Variants in FBXL2 observed in about 807,000 individuals in gnomAD.
FBXL2 encodes the protein F-box and leucine rich repeat protein 2.
In FBXL2, 38 loss-of-function variants were observed where a neutral mutation model predicts 69.2. That is an observed-to-expected ratio of 0.55 (90% CI 0.42 to 0.72). The LOEUF is 0.72. Among genes scored for constraint, FBXL2 ranks in the 30% least tolerant of loss-of-function variants. The pLI, the probability that FBXL2 is intolerant of heterozygous loss-of-function variation, is 0.00. For missense variants in FBXL2, 354 were observed against 520.3 expected (o/e 0.68, Z 3.11); for synonymous variants, 192 against 201.3 (o/e 0.95, Z 0.39).
chr3:33,409,478 A>C, the FBXL2 span: 1 of 1,614,174 alleles, frequency 6.2e-7, no homozygotes, highest in East Asian at 2.2e-5. Context: ...CAGCTAGCTG[A>C]GTGTAGATGA....
chr3:33,337,700 C>G (rs1450969124), intron 2 of FBXL2, among the ~76,000 whole-genome samples: 2 of 152,164 alleles, frequency 1.3e-5, no homozygotes, highest in Non-Finnish European at 2.9e-5. Flanking sequence ...TAATTTGATT[C>G]TATACCTAGA....
chr3:33,387,739 C>A lies in FBXL2; in HGVS notation c.*2131C>A, dbSNP rs1009208104. Reference sequence around the variant, plus strand: ...GGACTTGATGCTCAATGATCCATGGCCTCATTTACAAAACAGGAGAACCTC... The same window carrying A: ...GGACTTGATGCTCAATGATCCATGGACTCATTTACAAAACAGGAGAACCTC... On this transcript the variant is annotated 3_prime_UTR_variant, in exon 15 of 15. Transcript: ENST00000484457. 6.6e-6 allele frequency: 1 copy of A among 152,036 alleles called. No homozygotes were observed. The highest frequency in any genetic ancestry group is 6.6e-5 in the Admixed American group (1 of 15,264). 9.4% of individuals were successfully genotyped at this position (152,036 alleles called of 1,614,324 possible).
chr3:33,359,296 T>A lies in FBXL2; in HGVS notation c.134T>A (p.Leu45Ter). The change falls in exon 4 of 15, where the codon TTA (leucine) becomes TAA (stop). Residue 45 changes from leucine (L) to a stop codon, truncating the protein, a stop_gained. Coordinates refer to ENST00000484457, the MANE Select transcript of FBXL2 (RefSeq NM_012157.5). LOFTEE classifies it high-confidence loss of function. ...CCCACCTTCCAGGCTTGGAACATCT[T>A]AGCCCTGGATGGAAGCAACTGGCAA... ...CAQISKAWNILALDGSNWQRI... is the reference protein window; with the variant it reads ...CAQISKAWNI The A allele has an allele frequency of 6.2e-7, 1 of 1,612,270 alleles. No homozygotes were observed. Among genetic ancestry groups the A allele is most frequent in the Non-Finnish European group, 8.5e-7 (1 of 1,178,714 alleles).
chr3:33,396,879 C>A (rs1223305547), intron 12 of FBXL2: 1 of 717,454 alleles, frequency 1.4e-6, no homozygotes. Flanking sequence ...TGGGCCTGCC[C>A]TGAAGGTGTA....
chr3:33,296,932 G>A (rs557112016), intron 1 of FBXL2, among the ~76,000 whole-genome samples: 3 of 152,196 alleles, frequency 2.0e-5, no homozygotes, highest in Admixed American at 1.3e-4. Context: ...TGTAAAAAAG[G>A]CAGCTGTAAT....
intron 2 of FBXL2, among the ~76,000 whole-genome samples, chr3:33,306,187 G>T (rs2036699377): frequency 6.6e-6 from 1 of 151,858 alleles, no homozygotes; most frequent in Non-Finnish European, 1.5e-5. Context: ...GAACTGTAGT[G>T]TTTTTCTTAT....
chr3:33,373,465 G>T (rs2154048427), intron 7 of FBXL2, 110 bp downstream of exon 7: 1 of 1,543,006 alleles, frequency 6.5e-7, no homozygotes, highest in Non-Finnish European at 8.9e-7. Flanking sequence ...ACTCCAAGAG[G>T]TCCCAGGCAT....
chr3:33,397,171 G>A lies in FBXL2; in HGVS notation n.1215-6063G>A, dbSNP rs186346181. On this transcript the variant is annotated intron_variant and non_coding_transcript_variant, in intron 12 of 12. Coordinates refer to the FBXL2 transcript ENST00000463736. ...GCAAAAATATTTTTCTCAAATAAAT[G>A]GAAAAAGAACAGAACTGCTTTACAG... The A allele has an allele frequency of 3.3e-4, 497 of 1,503,274 alleles. 3 individuals carry two copies. The highest frequency in any genetic ancestry group is 1.2e-3 in the South Asian group (96 of 77,908). 93.1% of individuals were successfully genotyped at this position (1,503,274 alleles called of 1,614,324 possible). A position where few individuals can be genotyped will look rare whatever the true frequency, so the allele number is the denominator to read the frequency against.
intron 2 of FBXL2, among the ~76,000 whole-genome samples, chr3:33,346,301 T>C (rs1275561421): frequency 6.6e-6 from 1 of 151,790 alleles, no homozygotes; most frequent in Non-Finnish European, 1.5e-5. Flanking sequence ...AACAGGGCAA[T>C]AGAAGTCTAA....
At chr3:33,416,938 T>C in the FBXL2 span, 11 of 983,666 alleles carry the variant, frequency 1.1e-5, no homozygotes, top group African/African-American at 1.3e-4. Context: ...TACACAATGA[T>C]AGTTTGTTAA....
chr3:33,420,077 G>C, the FBXL2 span, among the ~76,000 whole-genome samples: 1 of 152,020 alleles, frequency 6.6e-6, no homozygotes. Context: ...TCATCAAATG[G>C]GACTCCAGGG....
intron 12 of FBXL2, among the ~76,000 whole-genome samples, chr3:33,394,319 T>G (rs962446951): frequency 2.6e-5 from 4 of 151,984 alleles, no homozygotes; most frequent in African/African-American, 9.7e-5. Context: ...GTGCTGGGAT[T>G]ACAGGCGTGA....
intron 2 of FBXL2, among the ~76,000 whole-genome samples, chr3:33,315,218 T>C (rs1331138541): frequency 1.3e-5 from 2 of 151,872 alleles, no homozygotes; most frequent in African/African-American, 4.8e-5. Flanking sequence ...CTTTCTCCTT[T>C]CCTTTCCTTT....
downstream of FBXL2, chr3:33,389,187 G>C (rs2043653912): frequency 6.6e-6 from 1 of 152,634 alleles, no homozygotes; most frequent in Non-Finnish European, 1.5e-5. Context: ...TATAGAGAAA[G>C]AAGCTAGTAT....
chr3:33,328,134 C>CA (rs2038852945), intron 2 of FBXL2, among the ~76,000 whole-genome samples: 2 of 152,014 alleles, frequency 1.3e-5, no homozygotes, highest in Admixed American at 6.6e-5. Flanking sequence ...ACCTAGGAAT[C>CA]AATTTAACCA....
At chr3:33,402,985 C>A in intron 12 of FBXL2, 4 of 1,187,802 alleles carry the variant, frequency 3.4e-6, no homozygotes, top group Non-Finnish European at 4.8e-6. Flanking sequence ...ACTCACTAAC[C>A]AAATGCAAGA....
At chr3:33,378,552 C>A in intron 12 of FBXL2, 133 bp from the exon 13 acceptor site, 2 of 823,900 alleles carry the variant, frequency 2.4e-6, no homozygotes, top group Non-Finnish European at 1.9e-6. Flanking sequence ...AAGAGAGGAG[C>A]TCCCAGCCCC....
chr3:33,297,911 A>G (rs1559503373), intron 2 of FBXL2, 186 bp downstream of exon 2: 1 of 641,588 alleles, frequency 1.6e-6, no homozygotes, highest in East Asian at 3.0e-5. Context: ...GGTCTAATCC[A>G]GAATGTACTA....
the FBXL2 span, chr3:33,412,655 A>T: frequency 9.5e-7 from 1 of 1,056,000 alleles, no homozygotes; most frequent in Admixed American, 1.7e-5. Context: ...TGATGCCAAC[A>T]CAACACATTA....
Sources: allele counts gnomAD v4.1 joint callset (sites outside exome capture counted in the v4.1 genomes callset), GRCh38; gene constraint gnomAD v4.1.1; transcripts MANE v1.5; gene names NCBI Gene and HGNC (gene_info 2026-07-23, HGNC 2026-07-21).